The following PCDH9 variants were observed in gnomAD, a reference collection of about 807,000 sequenced individuals.
PCDH9 encodes protocadherin 9, also known as protocadherin-9.
Under a neutral mutation model 70.6 loss-of-function variants are expected in PCDH9, and 24 were observed. The ratio of observed to expected loss-of-function variants is 0.34; its 90% CI spans 0.25 to 0.48. PCDH9 has a LOEUF of 0.48. Ranked by LOEUF, PCDH9 falls within the 20% of genes least tolerant of loss-of-function variation. The probability of loss-of-function intolerance (pLI) is 0.99; values close to 1 mark genes in which losing one functional copy is unlikely to be tolerated. For missense variants in PCDH9, 1,281 were observed against 1,503.6 expected (o/e 0.85, Z 2.45); for synonymous variants, 562 against 558.5 (o/e 1.01, Z -0.09).
At chr13:66,622,153 C>T (rs1351505947) in intron 4 of PCDH9, among the ~76,000 whole-genome samples, 4 of 152,210 alleles carry the variant, frequency 2.6e-5, no homozygotes, top group Non-Finnish European at 5.9e-5. Context: ...GCACTGCACT[C>T]GATTTGTCAC....
chr13:66,838,073 G>C (rs138895992), intron 3 of PCDH9, among the ~76,000 whole-genome samples: 414 of 152,232 alleles, frequency 2.7e-3, no homozygotes, highest in Middle Eastern at 0.017. Context: ...AAATTTTCCA[G>C]TTTTGTACTT....
intron 2 of PCDH9, among the ~76,000 whole-genome samples, chr13:67,115,709 C>G (rs2086752754): frequency 6.7e-6 from 1 of 149,930 alleles, no homozygotes; most frequent in African/African-American, 2.5e-5. Context: ...AGTTGTTTAT[C>G]CATTTGTAAA....
chr13:66,490,325 C>T (rs1959013367), intron 4 of PCDH9, among the ~76,000 whole-genome samples: 1 of 152,144 alleles, frequency 6.6e-6, no homozygotes, highest in Non-Finnish European at 1.5e-5. Flanking sequence ...TCCATTAATG[C>T]TTTCTCTGTA....
chr13:66,411,638 A>G (rs997118934), intron 4 of PCDH9, among the ~76,000 whole-genome samples: 3 of 148,098 alleles, frequency 2.0e-5, no homozygotes, highest in African/African-American at 7.9e-5. Flanking sequence ...ACAGATATAT[A>G]GATGATGGAT....
chr13:67,092,786 G>C (rs2086244242), intron 2 of PCDH9, among the ~76,000 whole-genome samples: 1 of 152,068 alleles, frequency 6.6e-6, no homozygotes, highest in South Asian at 2.1e-4. Context: ...CTCTAATGTT[G>C]AGTTTTATAA....
chr13:66,543,539 C>A (rs1283003237), intron 4 of PCDH9, among the ~76,000 whole-genome samples: 1 of 151,490 alleles, frequency 6.6e-6, no homozygotes, highest in Non-Finnish European at 1.5e-5. Context: ...TGCACTCCAG[C>A]CTGGGAGACA....
chr13:66,924,828 A>G (rs1387317787), intron 2 of PCDH9, among the ~76,000 whole-genome samples: 1 of 151,848 alleles, frequency 6.6e-6, no homozygotes, highest in East Asian at 1.9e-4. Context: ...TGGTGCAGCT[A>G]TATTGCTATT....
intron 4 of PCDH9, among the ~76,000 whole-genome samples, chr13:66,594,331 G>C (rs535723489): frequency 6.6e-6 from 1 of 151,608 alleles, no homozygotes; most frequent in Non-Finnish European, 1.5e-5. Context: ...GAAAATTTCT[G>C]TGAAAGAAAC....
chr13:67,054,220 G>A (rs922082175), intron 2 of PCDH9, among the ~76,000 whole-genome samples: 2 of 152,168 alleles, frequency 1.3e-5, no homozygotes, highest in African/African-American at 4.8e-5. Context: ...CACTAACTTA[G>A]TTAACAGAAG....
chr13:66,867,520 T>C (rs1437682825), intron 3 of PCDH9, among the ~76,000 whole-genome samples: 3 of 152,104 alleles, frequency 2.0e-5, no homozygotes, highest in Admixed American at 2.0e-4. Context: ...AGCAGAGGTA[T>C]GTATGTTTGA....
At chr13:67,155,677 T>C (rs968224615) in intron 2 of PCDH9, among the ~76,000 whole-genome samples, 2 of 152,062 alleles carry the variant, frequency 1.3e-5, no homozygotes. Flanking sequence ...CTAGATACCC[T>C]AAAGGAAATA....
At chr13:67,176,955 G>T (rs985424815) in intron 2 of PCDH9, among the ~76,000 whole-genome samples, 1 of 151,984 alleles carries the variant, frequency 6.6e-6, no homozygotes, top group Non-Finnish European at 1.5e-5. Context: ...AGTTGCCTTC[G>T]TTACTAAATG....
intron 4 of PCDH9, among the ~76,000 whole-genome samples, chr13:66,491,385 T>C (rs866196864): frequency 1.5e-5 from 2 of 136,030 alleles, no homozygotes; most frequent in African/African-American, 2.8e-5. Flanking sequence ...GCAGGAGATA[T>C]TGTGTGTGTG....
intron 3 of PCDH9, among the ~76,000 whole-genome samples, chr13:66,694,965 G>A (rs1230096235): frequency 6.6e-6 from 1 of 150,424 alleles, no homozygotes; most frequent in Non-Finnish European, 1.5e-5. Flanking sequence ...GTGCAGTGGC[G>A]CGATCTCTGC....
At chr13:67,087,397 C>T (rs1488480257) in intron 2 of PCDH9, among the ~76,000 whole-genome samples, 4 of 151,986 alleles carry the variant, frequency 2.6e-5, no homozygotes, top group African/African-American at 9.7e-5. Context: ...ACAAATATGT[C>T]GCAAACCCCA....
At chr13:67,142,495 T>A (rs1050176348) in intron 2 of PCDH9, among the ~76,000 whole-genome samples, 2 of 152,180 alleles carry the variant, frequency 1.3e-5, no homozygotes, top group Non-Finnish European at 2.9e-5. Flanking sequence ...AAAATAAAGG[T>A]GACAGCTTAG....
At chr13:67,084,859 C>A (rs1002428984) in intron 2 of PCDH9, among the ~76,000 whole-genome samples, 2 of 147,520 alleles carry the variant, frequency 1.4e-5, no homozygotes, top group Non-Finnish European at 3.0e-5. Flanking sequence ...CCCAGCTACT[C>A]AGGAGGCTGA....
At chr13:66,414,536 T>C (rs1257078901) in intron 4 of PCDH9, among the ~76,000 whole-genome samples, 1 of 152,232 alleles carries the variant, frequency 6.6e-6, no homozygotes, top group Non-Finnish European at 1.5e-5. Context: ...TTTAACTTTA[T>C]GGAAACATAA....
intron 2 of PCDH9, among the ~76,000 whole-genome samples, chr13:66,937,654 A>G (rs540865498): frequency 6.6e-6 from 1 of 152,310 alleles, no homozygotes; most frequent in Admixed American, 6.5e-5. Context: ...ACTTAGTAGT[A>G]TATGCACTTG....
Sources: allele counts gnomAD v4.1 joint callset (sites outside exome capture counted in the v4.1 genomes callset), GRCh38; gene constraint gnomAD v4.1.1; transcripts MANE v1.5; gene names NCBI Gene and HGNC (gene_info 2026-07-23, HGNC 2026-07-21).